Variants in SCD observed in about 807,000 individuals in gnomAD.
The protein encoded by SCD is acyl-CoA desaturase.
SCD carries 4 observed loss-of-function variants against 35.7 expected under a neutral mutation model. The ratio of observed to expected loss-of-function variants is 0.11; its 90% CI spans 0.06 to 0.26. The LOEUF is 0.26. SCD is among the 10% of genes least tolerant of loss of function. The pLI is 1.00. For synonymous variants in SCD, 150 were observed against 170.2 expected, an observed-to-expected ratio of 0.88 and a Z score of 0.92; for missense variants, 282 against 460.7, an observed-to-expected ratio of 0.61 and a Z score of 3.55.
At chr10:100,349,122 C>T (rs911701224) in intron 2 of SCD, among the ~76,000 whole-genome samples, 28 of 152,218 alleles carry the variant, frequency 1.8e-4, no homozygotes, top group Middle Eastern at 3.2e-3. Flanking sequence ...CCAGTCCTAC[C>T]CATCCCTCCT....
chr10:100,355,575 G>A (rs981303515), intron 4 of SCD, among the ~76,000 whole-genome samples: 3 of 152,200 alleles, frequency 2.0e-5, no homozygotes, highest in Admixed American at 6.5e-5. Context: ...AGTTACGGAC[G>A]TGCTTTAGGA....
chr10:100,354,043 G>A (rs1849900329), intron 3 of SCD, among the ~76,000 whole-genome samples: 1 of 152,222 alleles, frequency 6.6e-6, no homozygotes, highest in African/African-American at 2.4e-5. Context: ...AAGGCTGCCT[G>A]CCTCATGTTC....
In SCD at chr10:100,348,239, A is replaced by T. The variant is rs200049787; in HGVS notation, c.203A>T (p.Lys68Met). 1 of 1,614,124 alleles carries T rather than the reference A, an allele frequency of 6.2e-7. No homozygotes were observed. The highest frequency in any genetic ancestry group is 8.5e-7 in the Non-Finnish European group (1 of 1,180,022). Residue 68 changes from lysine (K) to methionine (M), a missense_variant, in exon 2 of 6, where the codon AAG (lysine) becomes ATG (methionine). Physicochemically the swap from Lys to Met is moderately conservative, Grantham distance 95 (BLOSUM62 -1). This residue lies in a region of SCD where 77 missense variants were observed against 88.4 expected (regional missense o/e 0.87). Transcript: ENST00000370355. ...TYKDKEGPSP[K>M]VEYVWRNIIL... ...AAGGATAAGGAAGGCCCAAGCCCCA[A>T]GGTTGAATATGTCTGGAGAAACATC...
Position 100,362,109 on chromosome 10 carries a change from T to C in SCD, c.*1176T>C, listed in dbSNP as rs1849995668. 1 of 152,118 alleles carries C rather than the reference T, an allele frequency of 6.6e-6. No homozygotes were observed. The highest frequency in any genetic ancestry group is 2.4e-5 in the African/African-American group (1 of 41,406). 9.4% of individuals were successfully genotyped at this position (152,118 alleles called of 1,614,324 possible). A position where few individuals can be genotyped will look rare whatever the true frequency, so the allele number is the denominator to read the frequency against. On this transcript the variant is annotated 3_prime_UTR_variant, in exon 6 of 6. Coordinates refer to ENST00000370355, the MANE Select transcript of SCD (RefSeq NM_005063.5). ...AAAAAACTCTGAAGGAGAGGAGGAATTAGTTGGGATGCCAATTTCCTCTCC... is the reference window on the plus strand; with the variant it reads ...AAAAAACTCTGAAGGAGAGGAGGAACTAGTTGGGATGCCAATTTCCTCTCC...
chr10:100,357,607 T>C (rs1679353460), intron 5 of SCD, among the ~76,000 whole-genome samples: 1 of 152,196 alleles, frequency 6.6e-6, no homozygotes, highest in Non-Finnish European at 1.5e-5. Flanking sequence ...AATTCTCTAA[T>C]GTTGATCTTA....
At position 100,361,170 on chromosome 10, in the gene SCD, T is replaced by C; in HGVS notation, c.*237T>C. On this transcript the variant is annotated 3_prime_UTR_variant, in exon 6 of 6. Coordinates refer to ENST00000370355, the MANE Select transcript of SCD (RefSeq NM_005063.5). ...TCTCTTCTAGGCCCATTGTCCTCCT[T>C]TTCACTTTATTGCTATCGCCCTCCT... The C allele has an allele frequency of 1.9e-6, 1 of 518,242 alleles. No individual in the cohort carries two copies. 32.1% of individuals were successfully genotyped at this position (518,242 alleles called of 1,614,324 possible). A position where few individuals can be genotyped will look rare whatever the true frequency, so the allele number is the denominator to read the frequency against.
At chr10:100,357,724 G>A (rs978535619) in intron 5 of SCD, among the ~76,000 whole-genome samples, 31 of 151,844 alleles carry the variant, frequency 2.0e-4, no homozygotes, top group African/African-American at 7.5e-4. Context: ...TTGAACCCTG[G>A]GCTGAAGTGA....
rs370379121 is a variant in SCD at position 100,360,912 on chromosome 10, T to C, written c.1059T>C (p.Asp353=). Residue 353 remains aspartate (D), a synonymous_variant, in exon 6 of 6, where the codon GAT becomes GAC. Transcript: ENST00000370355. ...TGGCCAGGATTAAAAGAACCGGAGA[T>C]GGAAACTACAAGAGTGGCTGAGTTT... ...AILARIKRTG[D]GNYKSG is the part of the protein sequence containing the mutation. The C allele has an allele frequency of 7.2e-5, 116 of 1,613,876 alleles. No homozygotes were observed. The highest frequency in any genetic ancestry group is 1.5e-4 in the African/African-American group (11 of 74,924).
Position 100,361,000 on chromosome 10 carries a change from A to G in SCD, c.*67A>G. On this transcript the variant is annotated 3_prime_UTR_variant, in exon 6 of 6. Transcript: ENST00000370355. ...CAGAGGTTTTAATGTCTGTTTATTA[A>G]CTACTGAATAATGCTACCAGGATGC... 7.8e-7 allele frequency: 1 copy of G among 1,281,972 alleles called. No homozygotes were observed. The highest frequency in any genetic ancestry group is 2.3e-5 in the East Asian group (1 of 42,996). 79.4% of individuals were successfully genotyped at this position (1,281,972 alleles called of 1,614,324 possible).
At position 100,352,378 on chromosome 10, in the gene SCD, A is replaced by G; in HGVS notation, c.323A>G (p.Tyr108Cys). The G allele has an allele frequency of 6.2e-7, 1 of 1,613,696 alleles. No individual in the cohort carries two copies. The highest frequency in any genetic ancestry group is 8.5e-7 in the Non-Finnish European group (1 of 1,179,970). ...FYTWLWGVFY[Y>C]FVSALGITAG... ...CTTCTCCTGGCAGGGGTATTCTACTATTTTGTCAGTGCCCTGGGCATAACA... is the reference window on the plus strand; with the variant it reads ...CTTCTCCTGGCAGGGGTATTCTACTGTTTTGTCAGTGCCCTGGGCATAACA... The change falls in exon 3 of 6, where the codon TAT becomes TGT. Residue 108 changes from tyrosine to cysteine, a missense_variant. This residue lies in a region of SCD where 205 missense variants were observed against 372.3 expected (regional missense o/e 0.55). Transcript: ENST00000370355. The surrounding 1 kb of genome is among the most constrained non-coding windows in gnomAD (Gnocchi z 4.2).
In SCD at chr10:100,361,392, G is replaced by C. The variant is rs200741043; in HGVS notation, c.*459G>C. ...AGAATCTTCTGGGTAGTCCCCTGTTGATTATCTTCAGCCCAGGCTTTTGCT... is the reference window on the plus strand; with the variant it reads ...AGAATCTTCTGGGTAGTCCCCTGTTCATTATCTTCAGCCCAGGCTTTTGCT... On this transcript the variant is annotated 3_prime_UTR_variant, in exon 6 of 6. Transcript: ENST00000370355. 44 of 159,922 alleles carry C rather than the reference G, an allele frequency of 2.8e-4. No homozygotes were observed. The South Asian group carries it at 7.7e-3, about 28-fold the overall frequency. The allele number at this position is 159,922 out of a possible 1,614,324, so 9.9% of individuals were successfully genotyped here.
In SCD at chr10:100,362,425, G is replaced by A. The variant is rs200415659; in HGVS notation, c.*1492G>A. ...GGTCTCTGTTAACATCTAGCCTAAA[G>A]TATACAACTGCCTGGGGGGCAGGGT... On this transcript the variant is annotated 3_prime_UTR_variant, in exon 6 of 6. Transcript: ENST00000370355. 1 of 152,150 alleles carries A rather than the reference G, an allele frequency of 6.6e-6. No individual in the cohort carries two copies. 9.4% of individuals were successfully genotyped at this position (152,150 alleles called of 1,614,324 possible).
rs1589700944 is a variant in SCD, at chr10:100,362,268, T to A, written c.*1335T>A. On this transcript the variant is annotated 3_prime_UTR_variant, in exon 6 of 6. Transcript: ENST00000370355. ...AGGTTACTGAGTGAGTTATTGGGAG[T>A]CTTAATAAAATAAACTAGATATTAG... 1 of 151,982 alleles carries A rather than the reference T, an allele frequency of 6.6e-6. No homozygotes were observed. Among genetic ancestry groups the A allele is most frequent in the African/African-American group, 2.4e-5 (1 of 41,370 alleles). 9.4% of individuals were successfully genotyped at this position (151,982 alleles called of 1,614,324 possible). A position where few individuals can be genotyped will look rare whatever the true frequency, so the allele number is the denominator to read the frequency against.
Position 100,356,740 on chromosome 10 carries a change from A to G in SCD, c.856A>G (p.Ile286Val). 6.2e-7 allele frequency: 1 copy of G among 1,614,224 alleles called. No homozygotes were observed. The highest frequency in any genetic ancestry group is 8.5e-7 in the Non-Finnish European group (1 of 1,180,028). ...YDKNISPRENILVSLGAVGEG... is the reference protein window; with the variant it reads ...YDKNISPRENVLVSLGAVGEG... ...CAAGAACATTAGCCCCCGGGAGAATATCCTGGTTTCACTTGGAGCTGTGGG... is the reference window on the plus strand; with the variant it reads ...CAAGAACATTAGCCCCCGGGAGAATGTCCTGGTTTCACTTGGAGCTGTGGG... Residue 286 changes from isoleucine to valine, a missense_variant, in exon 5 of 6, where the codon ATC (isoleucine) becomes GTC (valine). Transcript: ENST00000370355. This position sits in a 1 kb window ranked among gnomAD's most constrained non-coding sequence, Gnocchi z 4.1.
chr10:100,350,380 A>G (rs1038381308), intron 2 of SCD, among the ~76,000 whole-genome samples: 7 of 152,108 alleles, frequency 4.6e-5, no homozygotes, highest in African/African-American at 1.7e-4. Flanking sequence ...TGATTCCAGC[A>G]TTTCTTATGA....
chr10:100,348,198 A>G lies in SCD; in HGVS notation c.162A>G (p.Ile54Met), dbSNP rs1333312872. Residue 54 changes from isoleucine to methionine, a missense_variant, in exon 2 of 6, where the codon ATA (isoleucine) becomes ATG (methionine). This residue lies in a region of SCD where 77 missense variants were observed against 88.4 expected (regional missense o/e 0.87). Transcript: ENST00000370355. ...DDIRPDIKDDIYDPTYKDKEG... is the reference protein window; with the variant it reads ...DDIRPDIKDDMYDPTYKDKEG... ...TTCGCCCTGATATAAAAGATGATAT[A>G]TATGACCCCACCTACAAGGATAAGG... 6.2e-7 allele frequency: 1 copy of G among 1,613,978 alleles called. No homozygotes were observed. The highest frequency in any genetic ancestry group is 8.5e-7 in the Non-Finnish European group (1 of 1,180,020).
intron 4 of SCD, among the ~76,000 whole-genome samples, chr10:100,355,311 G>A (rs1849917060): frequency 6.6e-6 from 1 of 151,596 alleles, no homozygotes; most frequent in South Asian, 2.1e-4. Flanking sequence ...GAAATAAATA[G>A]TGTTGGAATC....
Position 100,347,307 on chromosome 10 carries a change from C to G in SCD, c.-198C>G. ...TGAGGAAATACCGGACACGGTCACC[C>G]GTTGCCAGCTCTAGCCTTTAAATTC... On this transcript the variant is annotated 5_prime_UTR_variant, in exon 1 of 6. Coordinates refer to ENST00000370355, the MANE Select transcript of SCD (RefSeq NM_005063.5). 1.5e-6 allele frequency: 1 copy of G among 655,194 alleles called. No individual in the cohort carries two copies. Among genetic ancestry groups the G allele is most frequent in the Non-Finnish European group, 2.8e-6 (1 of 362,994 alleles). The allele number at this position is 655,194 out of a possible 1,614,324, so 40.6% of individuals were successfully genotyped here.
At chr10:100,350,279 T>C (rs1473064043) in intron 2 of SCD, among the ~76,000 whole-genome samples, 2 of 152,154 alleles carry the variant, frequency 1.3e-5, no homozygotes, top group Non-Finnish European at 2.9e-5. Flanking sequence ...AGGTCTCAAC[T>C]TGGACATCTT....
Sources: allele counts gnomAD v4.1 joint callset (sites outside exome capture counted in the v4.1 genomes callset), GRCh38; gene constraint gnomAD v4.1.1; regional missense constraint gnomAD v4.1.1; non-coding constraint Gnocchi (gnomAD v3.1); transcripts MANE v1.5; gene names NCBI Gene and HGNC (gene_info 2026-07-23, HGNC 2026-07-21).